The following PCDHGA3 variants were observed in gnomAD, a reference collection of about 807,000 sequenced individuals.
PCDHGA3 encodes protocadherin gamma subfamily A, 3, also known as protocadherin gamma-A3.
In PCDHGA3, 40 loss-of-function variants were observed where a neutral mutation model predicts 58.5. The ratio of observed to expected loss-of-function variants is 0.68; its 90% CI spans 0.53 to 0.89. The LOEUF (loss-of-function observed/expected upper bound fraction) is 0.89. Ranked by LOEUF, PCDHGA3 falls within the 40% of genes least tolerant of loss-of-function variation. PCDHGA3 has a pLI of 0.00. For missense variants in PCDHGA3, 1,223 were observed against 1,195.9 expected (o/e 1.02, Z -0.33); for synonymous variants, 530 against 525.7 (o/e 1.01, Z -0.11).
intron 1 of PCDHGA3, chr5:141,416,991 T>A (rs1052950610): frequency 2.0e-5 from 3 of 151,906 alleles, no homozygotes; most frequent in Non-Finnish European, 4.4e-5. Context: ...TTATTGTGCA[T>A]TCATCTCAAA....
intron 1 of PCDHGA3, chr5:141,393,581 C>T (rs1356594219): frequency 5.0e-6 from 8 of 1,613,790 alleles, no homozygotes; most frequent in Non-Finnish European, 6.8e-6. Flanking sequence ...AGAACATGCC[C>T]CCAGGCACGC....
Position 141,344,237 on chromosome 5 carries a change from C to T in PCDHGA3, c.204C>T (p.Ser68=). The T allele has an allele frequency of 6.2e-7, 1 of 1,614,036 alleles. No individual in the cohort carries two copies. The highest frequency in any genetic ancestry group is 8.5e-7 in the Non-Finnish European group (1 of 1,179,892). Residue 68 remains serine, a synonymous_variant, in exon 1 of 4, where the codon TCC becomes TCT. Transcript: ENST00000253812. ...CGGAGCGCGGAGTCCGCATCGTCTCCAGAGGTAGGACGCAGCTTTTCTCTC... is the reference window on the plus strand; with the variant it reads ...CGGAGCGCGGAGTCCGCATCGTCTCTAGAGGTAGGACGCAGCTTTTCTCTC... ...ELAERGVRIV[S]RGRTQLFSLN... is the part of the protein sequence containing the mutation.
chr5:141,456,324 G>T (rs757059960), intron 1 of PCDHGA3, among the ~76,000 whole-genome samples: 15 of 152,166 alleles, frequency 9.9e-5, no homozygotes, highest in Non-Finnish European at 2.9e-5. Context: ...TCCTCCTGGG[G>T]TTGATCTAAG....
At chr5:141,461,974 C>T (rs2099027742) in intron 1 of PCDHGA3, among the ~76,000 whole-genome samples, 1 of 152,202 alleles carries the variant, frequency 6.6e-6, no homozygotes, top group Non-Finnish European at 1.5e-5. Context: ...CAGGCATATG[C>T]CACCACGCCA....
chr5:141,370,825 A>C, intron 1 of PCDHGA3: 3 of 1,614,070 alleles, frequency 1.9e-6, no homozygotes, highest in Non-Finnish European at 2.5e-6. Context: ...GAAATCAGCG[A>C]ACTGGCTCTC....
intron 1 of PCDHGA3, chr5:141,360,587 C>T (rs1186405210): frequency 6.2e-6 from 10 of 1,613,882 alleles, no homozygotes; most frequent in Non-Finnish European, 6.8e-6. Flanking sequence ...CCAGGTACAA[C>T]ATTTCCACTT....
intron 1 of PCDHGA3, chr5:141,385,631 G>A (rs539938751): frequency 7.4e-6 from 7 of 947,722 alleles, no homozygotes; most frequent in Middle Eastern, 4.4e-4. Flanking sequence ...GGAATGAATC[G>A]AGTCTTTCAT....
chr5:141,372,317 C>T (rs775859797), intron 1 of PCDHGA3: 3 of 1,613,614 alleles, frequency 1.9e-6, no homozygotes, highest in East Asian at 2.2e-5. Flanking sequence ...CCCGCCAGCG[C>T]CTGCTGGTCA....
At position 141,355,234 on chromosome 5, in the gene PCDHGA3, C is replaced by G. The variant is rs764381792; in HGVS notation, c.2424+8777C>G. 1 of 1,612,190 alleles carries G rather than the reference C, an allele frequency of 6.2e-7. No homozygotes were observed. The highest frequency in any genetic ancestry group is 8.5e-7 in the Non-Finnish European group (1 of 1,179,258). ...GCCTCCTGCTCGCCCAGACCACACC[C>G]GGCTGCTCCAGATCTGCCTTCTCCT... On this transcript the variant is annotated intron_variant, in intron 1 of 3. Coordinates refer to ENST00000253812, the MANE Select transcript of PCDHGA3 (RefSeq NM_018916.4).
Position 141,345,016 on chromosome 5 carries a change from T to C in PCDHGA3, c.983T>C (p.Leu328Pro). ...KIEAQDGPGL[L>P]SRAKILVTVL... is the part of the protein sequence containing the mutation. ...GAAGCACAGGATGGACCAGGTCTTC[T>C]TTCAAGAGCCAAGATTCTAGTCACG... The change falls in exon 1 of 4, where the codon CTT (leucine) becomes CCT (proline). Residue 328 changes from leucine (L) to proline (P), a missense_variant. Physicochemically the swap from Leu to Pro is moderately conservative, Grantham distance 98. Transcript: ENST00000253812. The C allele has an allele frequency of 6.2e-7, 1 of 1,614,016 alleles. No homozygotes were observed. Among genetic ancestry groups the C allele is most frequent in the Non-Finnish European group, 8.5e-7 (1 of 1,179,892 alleles).
chr5:141,482,404 A>C (rs1262544355), intron 1 of PCDHGA3, among the ~76,000 whole-genome samples: 1 of 152,076 alleles, frequency 6.6e-6, no homozygotes, highest in Non-Finnish European at 1.5e-5. Flanking sequence ...GTACTCAATA[A>C]CTATTTGTTG....
chr5:141,444,237 T>G (rs1315900009), intron 1 of PCDHGA3, among the ~76,000 whole-genome samples: 1 of 137,132 alleles, frequency 7.3e-6, no homozygotes, highest in Admixed American at 8.0e-5. Flanking sequence ...AATGGCATGC[T>G]CTCGGCTCAC....
chr5:141,432,235 T>C lies in PCDHGA3; in HGVS notation c.2425-62572T>C, dbSNP rs1240828849. 1 of 1,614,102 alleles carries C rather than the reference T, an allele frequency of 6.2e-7. No individual in the cohort carries two copies. The highest frequency in any genetic ancestry group is 8.5e-7 in the Non-Finnish European group (1 of 1,180,050). ...ACGCCCAGATCACTTATTCCCTGGC[T>C]GAGAACACCATCCAAGGGGCAAGCC... On this transcript the variant is annotated intron_variant, in intron 1 of 3. Transcript: ENST00000253812. The surrounding 1 kb of genome is among the most constrained non-coding windows in gnomAD (Gnocchi z 6.0).
intron 1 of PCDHGA3, chr5:141,408,253 A>G (rs749487100): frequency 3.4e-4 from 550 of 1,599,220 alleles, no homozygotes; most frequent in Non-Finnish European, 4.4e-4. Flanking sequence ...GGCAGGTGCT[A>G]TTTCCTTTGC....
chr5:141,425,394 G>T (rs186813737), intron 1 of PCDHGA3, among the ~76,000 whole-genome samples: 10 of 152,302 alleles, frequency 6.6e-5, no homozygotes, highest in African/African-American at 2.4e-4. Context: ...TAGTGATAAA[G>T]TTCTGTTAAG....
chr5:141,362,191 G>T, intron 1 of PCDHGA3: 1 of 1,614,010 alleles, frequency 6.2e-7, no homozygotes. Flanking sequence ...TGACCCCCAG[G>T]CAAAACTGCA....
At chr5:141,417,798 C>T in intron 1 of PCDHGA3, 2 of 1,486,472 alleles carry the variant, frequency 1.3e-6, no homozygotes, top group Non-Finnish European at 1.8e-6. Context: ...GCTCTTTTAG[C>T]GCGGTAGAGT....
At chr5:141,420,289 AT>A in intron 1 of PCDHGA3, 1 of 1,497,936 alleles carries the variant, frequency 6.7e-7, no homozygotes, top group Non-Finnish European at 9.0e-7. Flanking sequence ...GTATTTAAAA[AT>A]GTATTTAATC....
intron 1 of PCDHGA3, chr5:141,419,929 T>C: frequency 6.2e-7 from 1 of 1,614,076 alleles, no homozygotes; most frequent in Non-Finnish European, 8.5e-7. Context: ...AGATGCAGTT[T>C]TACCTGGTGG....
Sources: gnomAD v4.1 joint callset for allele counts (sites outside exome capture counted in the v4.1 genomes callset) on GRCh38, gnomAD v4.1.1 for gene constraint, Gnocchi (gnomAD v3.1) non-coding constraint, MANE v1.5 for transcripts, NCBI Gene and HGNC (gene_info 2026-07-23, HGNC 2026-07-21) for gene names.